The following NACC2 variants were observed in gnomAD, a reference collection of about 807,000 sequenced individuals.
NACC2 encodes the protein nucleus accumbens-associated protein 2.
NACC2 carries 8 observed loss-of-function variants against 25.1 expected under a neutral mutation model. The ratio of observed to expected loss-of-function variants is 0.32; its 90% CI spans 0.19 to 0.57. The LOEUF (loss-of-function observed/expected upper bound fraction) is 0.57, where lower values mean the gene tolerates loss of function less well. NACC2 is among the 20% of genes least tolerant of loss of function. The pLI is 0.89. For missense variants in NACC2, 644 were observed against 650.2 expected, an observed-to-expected ratio of 0.99 and a Z score of 0.10; for synonymous variants, 435 against 294.7, an observed-to-expected ratio of 1.48 and a Z score of -4.88.
At chr9:136,090,808 G>A in intron 1 of NACC2, among the ~76,000 whole-genome samples, 1 of 151,254 alleles carries the variant, frequency 6.6e-6, no homozygotes, top group Non-Finnish European at 1.5e-5. Context: ...TGCCCTCGGG[G>A]CCCCGGTGGC....
At chr9:136,024,233 GTGTGTGAGGA>G (rs1840344830) in intron 2 of NACC2, among the ~76,000 whole-genome samples, 1 of 37,472 alleles carries the variant, frequency 2.7e-5, no homozygotes, top group South Asian at 7.5e-4. Flanking sequence ...GACAGAGGGT[GTGTGTGAGGA>G]CAGAGGGTGT....
rs541054703 is a variant in NACC2, at chr9:136,007,113, G to A, written c.*4403C>T. 6.5e-6 allele frequency: 1 copy of A among 154,308 alleles called. No homozygotes were observed. The highest frequency in any genetic ancestry group is 2.0e-4 in the South Asian group (1 of 4,900). 9.6% of individuals were successfully genotyped at this position (154,308 alleles called of 1,614,324 possible). ...TTTTTTGTCTGCTAAAAATAGTATT[G>A]CAAGTTTTGGCTTCTTTTGACATAA... On this transcript the variant is annotated 3_prime_UTR_variant, in exon 6 of 6. Coordinates refer to ENST00000277554, the MANE Select transcript of NACC2 (RefSeq NM_144653.5).
Position 136,049,883 on chromosome 9 carries a change from T to C in NACC2, c.639A>G (p.Thr213=), listed in dbSNP as rs1840790501. The change falls in exon 2 of 6, where the codon ACA becomes ACG. Residue 213 remains threonine, a synonymous_variant. Coordinates refer to ENST00000277554, the MANE Select transcript of NACC2 (RefSeq NM_144653.5). ...AGACACGGGGCAGTTTGAGAGGGGC[T>C]GTGCCCGCCGCCACCGCAGCCCCCG... The part of the protein sequence containing the change: ...VAAGAAVAAG[T]APLKLPRVSY... 4 of 602,118 alleles carry C rather than the reference T, an allele frequency of 6.6e-6. No individual in the cohort carries two copies. In the East Asian group the frequency reaches 9.3e-5, roughly 14 times the overall value. The allele number at this position is 602,118 out of a possible 1,614,324, so 37.3% of individuals were successfully genotyped here. A position where few individuals can be genotyped will look rare whatever the true frequency, so the allele number is the denominator to read the frequency against.
intron 1 of NACC2, among the ~76,000 whole-genome samples, chr9:136,067,169 G>A (rs910495209): frequency 2.0e-5 from 3 of 151,450 alleles, no homozygotes; most frequent in Non-Finnish European, 2.9e-5. Context: ...CAGGAGAATC[G>A]CTTGAACCCG....
At chr9:136,044,800 G>A (rs1028677593) in intron 2 of NACC2, among the ~76,000 whole-genome samples, 7 of 152,226 alleles carry the variant, frequency 4.6e-5, no homozygotes, top group African/African-American at 1.4e-4. Flanking sequence ...TTCCGGATGG[G>A]TAATGGTGGG....
chr9:136,074,615 A>G (rs1310179655), intron 1 of NACC2, among the ~76,000 whole-genome samples: 1 of 151,694 alleles, frequency 6.6e-6, no homozygotes, highest in Non-Finnish European at 1.5e-5. Context: ...TCGTTCTGTC[A>G]CAGCAAGGCT....
rs1009011654 is a variant in NACC2, at chr9:136,037,727, T to C, written c.886+11909A>G. Among the ~76,000 whole-genome samples, 15 of 152,218 alleles carry C rather than the reference T, an allele frequency of 9.9e-5. No homozygotes were observed. In the South Asian group the frequency reaches 2.5e-3, roughly 25 times the overall value. ...TTTCACCATGTTGGCCAGGCTGGTCTCGATCTCCTGACCTCAGGTGATCCT... is the reference window on the plus strand; with the variant it reads ...TTTCACCATGTTGGCCAGGCTGGTCCCGATCTCCTGACCTCAGGTGATCCT... On this transcript the variant is annotated intron_variant, in intron 2 of 5. Coordinates refer to ENST00000277554, the MANE Select transcript of NACC2 (RefSeq NM_144653.5).
chr9:136,077,564 T>C (rs1383359245), intron 1 of NACC2, among the ~76,000 whole-genome samples: 2 of 152,132 alleles, frequency 1.3e-5, no homozygotes, highest in African/African-American at 4.8e-5. Context: ...GAAAGAATTC[T>C]ACAAATTCTA....
chr9:136,043,115 C>A (rs1161639104), intron 2 of NACC2, among the ~76,000 whole-genome samples: 1 of 152,190 alleles, frequency 6.6e-6, no homozygotes, highest in African/African-American at 2.4e-5. Context: ...CCGTAAAATA[C>A]AACTTTAATA....
chr9:136,042,207 C>T (rs941856800), intron 2 of NACC2, among the ~76,000 whole-genome samples: 1 of 152,086 alleles, frequency 6.6e-6, no homozygotes, highest in African/African-American at 2.4e-5. Context: ...AGGCTGGTCT[C>T]GAGCTCCTGA....
At chr9:136,035,173 T>C (rs1840532803) in intron 2 of NACC2, among the ~76,000 whole-genome samples, 1 of 151,998 alleles carries the variant, frequency 6.6e-6, no homozygotes, top group Non-Finnish European at 1.5e-5. Flanking sequence ...CAATAAATAC[T>C]AGAATTAATG....
rs181089758 is a variant in NACC2, at chr9:136,090,322, G to A, written c.-60+4867C>T. 5.5e-3 allele frequency among the ~76,000 whole-genome samples: 842 copies of A among 152,310 alleles called. 11 individuals are homozygous for A. The highest frequency in any genetic ancestry group is 0.019 in the African/African-American group (809 of 41,576). ...GCTCCGATCCAAAGGCAGGGCCAAC[G>A]CTGACTCCCTCCAAGACCGCCGCAG... is the stretch of plus-strand genomic sequence containing the variant. On this transcript the variant is annotated intron_variant, in intron 1 of 5. Coordinates refer to ENST00000277554, the MANE Select transcript of NACC2 (RefSeq NM_144653.5).
chr9:136,093,297 G>A (rs559238769), intron 1 of NACC2, among the ~76,000 whole-genome samples: 1 of 152,216 alleles, frequency 6.6e-6, no homozygotes, highest in African/African-American at 2.4e-5. Context: ...GCAGCCTCAT[G>A]CTTTAATTGG....
intron 2 of NACC2, among the ~76,000 whole-genome samples, chr9:136,048,023 T>C (rs1200384146): frequency 6.6e-6 from 1 of 152,112 alleles, no homozygotes; most frequent in African/African-American, 2.4e-5. Context: ...TCTGTTTCCA[T>C]CTCCATGGTG....
At chr9:136,016,923 G>A (rs1012352811) in intron 2 of NACC2, among the ~76,000 whole-genome samples, 1 of 152,126 alleles carries the variant, frequency 6.6e-6, no homozygotes, top group Non-Finnish European at 1.5e-5. Context: ...GTGGGTAGCT[G>A]GACAGGGGTG....
chr9:136,064,681 AT>A (rs1480091251), intron 1 of NACC2, among the ~76,000 whole-genome samples: 1 of 152,218 alleles, frequency 6.6e-6, no homozygotes, highest in East Asian at 1.9e-4. Context: ...CTCTATCAAA[AT>A]TCCGGTTAAT....
At chr9:136,092,969 G>C (rs1362054730) in intron 1 of NACC2, among the ~76,000 whole-genome samples, 2 of 152,208 alleles carry the variant, frequency 1.3e-5, no homozygotes, top group East Asian at 1.9e-4. Context: ...GAGGTGGCTA[G>C]AACAGGGCTG....
At chr9:136,039,819 A>G (rs1840601764) in intron 2 of NACC2, among the ~76,000 whole-genome samples, 1 of 152,242 alleles carries the variant, frequency 6.6e-6, no homozygotes, top group East Asian at 1.9e-4. Context: ...AGAAAGGCTG[A>G]TATGTTCCCC....
chr9:136,051,889 AGGAGGAGGAGGAGGAGGAGGAGATGGT>A (rs1257732935), intron 1 of NACC2, among the ~76,000 whole-genome samples: 37 of 114,332 alleles, frequency 3.2e-4, no homozygotes, highest in South Asian at 5.6e-4. Context: ...GAGGAGGAGG[AGGAGGAGGAGGAGGAGGAGGAGATGGT>A]GGAGGAGGAG....
Sources: allele counts gnomAD v4.1 joint callset (sites outside exome capture counted in the v4.1 genomes callset), GRCh38; gene constraint gnomAD v4.1.1; transcripts MANE v1.5; gene names NCBI Gene and HGNC (gene_info 2026-07-23, HGNC 2026-07-21).